CDK18: variants seen among roughly 807,000 people sequenced by gnomAD.
CDK18 encodes the protein cyclin-dependent kinase 18.
In CDK18, 52 loss-of-function variants were observed where a neutral mutation model predicts 62.0. That is an observed-to-expected ratio of 0.84 (90% CI 0.67 to 1.06). The LOEUF is 1.06. CDK18 is among the 50% of genes least tolerant of loss of function. The pLI, the probability that CDK18 is intolerant of heterozygous loss-of-function variation, is 0.00. For missense variants in CDK18, 604 were observed against 619.9 expected (o/e 0.97, Z 0.27); for synonymous variants, 237 against 247.0 (o/e 0.96, Z 0.38).
At chr1:205,518,274 C>T (rs1475713529) in intron 1 of CDK18, among the ~76,000 whole-genome samples, 1 of 152,156 alleles carries the variant, frequency 6.6e-6, no homozygotes, top group African/African-American at 2.4e-5. Context: ...CCCCCCTACC[C>T]CTGTTAGAAA....
Position 205,530,624 on chromosome 1 carries a change from C to G in CDK18, c.1313-4C>G. ...TCTCCAGACTATGCACTTCTCTCCC[C>G]CAGCTGCCTCCATCTTCTCCCTGAA... On this transcript the variant is annotated splice_region_variant and splice_polypyrimidine_tract_variant and intron_variant, in intron 14 of 15. Transcript: ENST00000429964. 5.0e-6 allele frequency: 8 copies of G among 1,613,954 alleles called. No homozygotes were observed. The highest frequency in any genetic ancestry group is 5.9e-6 in the Non-Finnish European group (7 of 1,179,902).
At chr1:205,529,632 G>A in intron 13 of CDK18, 69 bp downstream of exon 13, 6 of 1,611,252 alleles carry the variant, frequency 3.7e-6, no homozygotes, top group Non-Finnish European at 5.1e-6. Flanking sequence ...CCCATGCCGG[G>A]CCTACGCCCC....
At chr1:205,509,434 C>A (rs1290727843) in intron 1 of CDK18, among the ~76,000 whole-genome samples, 1 of 152,154 alleles carries the variant, frequency 6.6e-6, no homozygotes, top group Non-Finnish European at 1.5e-5. Flanking sequence ...TCCTGTCCAC[C>A]ATGGGTGGAG....
At chr1:205,529,693 T>A in intron 13 of CDK18, 130 bp downstream of exon 13, 2 of 1,554,488 alleles carry the variant, frequency 1.3e-6, no homozygotes, top group Non-Finnish European at 1.7e-6. Context: ...TCCCCTGTAC[T>A]CTCCACCCCC....
rs200375022 is a variant in CDK18 at position 205,526,831 on chromosome 1, C to T, written c.723C>T (p.Asn241=). The T allele has an allele frequency of 8.4e-5, 136 of 1,613,704 alleles. 2 individuals are homozygous for T. The highest frequency in any genetic ancestry group is 6.6e-4 in the Middle Eastern group (4 of 6,062). Residue 241 remains asparagine, a synonymous_variant, in exon 8 of 16, where the codon AAC becomes AAT. Coordinates refer to ENST00000429964, the MANE Select transcript of CDK18 (RefSeq NM_212502.3). ...GTGGGAACCTCATGAGCATGCACAACGTCAAGGTGAGGCCTCGGGGGCAGG... is the reference window on the plus strand; with the variant it reads ...GTGGGAACCTCATGAGCATGCACAATGTCAAGGTGAGGCCTCGGGGGCAGG... The part of the protein sequence containing the change: ...DHCGNLMSMH[N]VKIFMFQLLR...
Position 205,531,437 on chromosome 1 carries a change from T to A in CDK18, c.*59T>A. ...AGATCACATGGAGCACAAATTCGGG[T>A]AGGATGGAGCCTGTGTGGCCCTCGG... On this transcript the variant is annotated 3_prime_UTR_variant, in exon 16 of 16. Coordinates refer to ENST00000429964, the MANE Select transcript of CDK18 (RefSeq NM_212502.3). 1 of 1,514,616 alleles carries A rather than the reference T, an allele frequency of 6.6e-7. No homozygotes were observed. The highest frequency in any genetic ancestry group is 9.2e-7 in the Non-Finnish European group (1 of 1,088,886). 93.8% of individuals were successfully genotyped at this position (1,514,616 alleles called of 1,614,324 possible).
chr1:205,529,684 C>T, intron 13 of CDK18, 121 bp downstream of exon 13: 1 of 1,563,006 alleles, frequency 6.4e-7, no homozygotes, highest in Non-Finnish European at 8.6e-7. Flanking sequence ...TGAAACATCT[C>T]CCCTGTACTC....
rs1667874529 is a variant in CDK18, at chr1:205,517,375, T to C, written c.-21-5772T>C. Among the ~76,000 whole-genome samples the C allele has an allele frequency of 6.6e-6, 1 of 152,192 alleles. No homozygotes were observed. Among genetic ancestry groups the C allele is most frequent in the South Asian group, 2.1e-4 (1 of 4,832 alleles). On this transcript the variant is annotated intron_variant, in intron 1 of 15. Transcript: ENST00000429964. This position sits in a 1 kb window ranked among gnomAD's most constrained non-coding sequence, Gnocchi z 4.1. ...GCAATAAGGAAGTCTGCAGGGATGT[T>C]TGATGAAGTTTATATGAGGACTCTT...
At chr1:205,529,653 G>A in intron 13 of CDK18, 90 bp downstream of exon 13, 1 of 1,603,518 alleles carries the variant, frequency 6.2e-7, no homozygotes, top group South Asian at 1.1e-5. Context: ...AACTTCTGTG[G>A]CTCGTGTGCT....
chr1:205,529,733 C>T (rs763901935), intron 13 of CDK18, 170 bp downstream of exon 13: 1 of 1,537,138 alleles, frequency 6.5e-7, no homozygotes, highest in African/African-American at 1.4e-5. Context: ...CATACACATC[C>T]TCTGGAGTCT....
Position 205,504,753 on chromosome 1 carries a change from G to T in CDK18, c.-65G>T, listed in dbSNP as rs1218469290. On this transcript the variant is annotated 5_prime_UTR_variant, in exon 1 of 16. Transcript: ENST00000429964. Reference sequence around the variant, plus strand: ...TCCGGAGCAGGGGAAGCTGCCCCGTGCCCGGGAGGGAGCGGGCGCACCGCG... The same window carrying T: ...TCCGGAGCAGGGGAAGCTGCCCCGTTCCCGGGAGGGAGCGGGCGCACCGCG... 6.6e-6 allele frequency: 1 copy of T among 152,288 alleles called. No individual in the cohort carries two copies. Among genetic ancestry groups the T allele is most frequent in the Non-Finnish European group, 1.5e-5 (1 of 68,074 alleles). The allele number at this position is 152,288 out of a possible 1,614,324, so 9.4% of individuals were successfully genotyped here. A position where few individuals can be genotyped will look rare whatever the true frequency, so the allele number is the denominator to read the frequency against.
In CDK18 at chr1:205,527,624, T is replaced by G. The variant is rs1575075656; in HGVS notation, c.730-170T>G. On this transcript the variant is annotated intron_variant, in intron 8 of 15. Transcript: ENST00000429964. This position sits in a 1 kb window ranked among gnomAD's most constrained non-coding sequence, Gnocchi z 4.1. ...CACCCCTGCTGTCCTCCCCTCTGGATGGGATTCCCTGGTGTGGGTGGGGTC... is the reference window on the plus strand; with the variant it reads ...CACCCCTGCTGTCCTCCCCTCTGGAGGGGATTCCCTGGTGTGGGTGGGGTC... 2 of 664,948 alleles carry G rather than the reference T, an allele frequency of 3.0e-6. No individual in the cohort carries two copies. The highest frequency in any genetic ancestry group is 3.7e-5 in the South Asian group (2 of 53,798). 41.2% of individuals were successfully genotyped at this position (664,948 alleles called of 1,614,324 possible).
intron 13 of CDK18, chr1:205,529,971 C>T: frequency 7.2e-7 from 1 of 1,391,332 alleles, no homozygotes; most frequent in South Asian, 1.5e-5. Context: ...GGATGTTCTC[C>T]ATCTGATCAT....
chr1:205,519,881 GT>G (rs1335327021), intron 1 of CDK18, among the ~76,000 whole-genome samples: 2 of 152,142 alleles, frequency 1.3e-5, no homozygotes, highest in Non-Finnish European at 2.9e-5. Context: ...GTTGCTACTT[GT>G]AGATTCCTGA....
chr1:205,518,582 C>G (rs552120477), intron 1 of CDK18, among the ~76,000 whole-genome samples: 1 of 152,170 alleles, frequency 6.6e-6, no homozygotes, highest in Non-Finnish European at 1.5e-5. Context: ...AATATGGTCA[C>G]GTTTGTGCAC....
chr1:205,529,484 A>G lies in CDK18; in HGVS notation c.1179-37A>G, dbSNP rs374369640. On this transcript the variant is annotated intron_variant, in intron 12 of 15. Coordinates refer to ENST00000429964, the MANE Select transcript of CDK18 (RefSeq NM_212502.3). The stretch of plus-strand genomic sequence containing the variant: ...TGCGGCCCTGGCTCTCCCATCCCCA[A>G]TCAGGCACAGCCTGTGTCCGCGCCT... The G allele has an allele frequency of 1.4e-4, 233 of 1,609,256 alleles. No homozygotes were observed. Among genetic ancestry groups the G allele is most frequent in the African/African-American group, 1.4e-3 (104 of 74,948 alleles).
At position 205,527,801 on chromosome 1, in the gene CDK18, T is replaced by C. The variant is rs1668514128; in HGVS notation, c.737T>C (p.Met246Thr). 1.2e-6 allele frequency: 2 copies of C among 1,613,940 alleles called. No individual in the cohort carries two copies. Among genetic ancestry groups the C allele is most frequent in the East Asian group, 2.2e-5 (1 of 44,868 alleles). Residue 246 changes from methionine to threonine, a missense_variant, in exon 9 of 16, where the codon ATG becomes ACG. Physicochemically the swap from Met to Thr is moderately conservative, Grantham distance 81. Transcript: ENST00000429964. The surrounding 1 kb of genome is among the most constrained non-coding windows in gnomAD (Gnocchi z 4.1). Reference sequence around the variant, plus strand: ...CTCTTCCCCCTCCCCCAGATTTTCATGTTCCAGCTGCTCCGGGGCCTCGCC... The same window carrying C: ...CTCTTCCCCCTCCCCCAGATTTTCACGTTCCAGCTGCTCCGGGGCCTCGCC... ...LMSMHNVKIF[M>T]FQLLRGLAYC...
chr1:205,524,348 G>A lies in CDK18; in HGVS notation c.390G>A (p.Arg130=), dbSNP rs1251158722. Reference sequence around the variant, plus strand: ...AGCCGCTCAGCCGCATGTCCCGCCGGGCCTCCCTGGTGAGTCCCAAGAGGG... The same window carrying A: ...AGCCGCTCAGCCGCATGTCCCGCCGAGCCTCCCTGGTGAGTCCCAAGAGGG... The part of the protein sequence containing the change: ...LPKPLSRMSR[R]ASLSDIGFGK... The change falls in exon 4 of 16, where the codon CGG becomes CGA. Residue 130 remains arginine, a synonymous_variant. Coordinates refer to ENST00000429964, the MANE Select transcript of CDK18 (RefSeq NM_212502.3). The A allele has an allele frequency of 6.2e-7, 1 of 1,614,002 alleles. No individual in the cohort carries two copies. Among genetic ancestry groups the A allele is most frequent in the Admixed American group, 1.7e-5 (1 of 60,008 alleles).
rs1180671561 is a variant in CDK18, at chr1:205,516,247, C to T, written c.-21-6900C>T. 3.3e-5 allele frequency among the ~76,000 whole-genome samples: 5 copies of T among 152,186 alleles called. No individual in the cohort carries two copies. Among genetic ancestry groups the T allele is most frequent in the South Asian group, 2.1e-4 (1 of 4,820 alleles). On this transcript the variant is annotated intron_variant, in intron 1 of 15. Transcript: ENST00000429964. This position sits in a 1 kb window ranked among gnomAD's most constrained non-coding sequence, Gnocchi z 4.8. ...GTGTCTCTGAGGTCCTAGCTCATGA[C>T]GTCTGCAAACTTGGTCAGCCATGGC...
Sources: allele counts gnomAD v4.1 joint callset (sites outside exome capture counted in the v4.1 genomes callset), GRCh38; gene constraint gnomAD v4.1.1; non-coding constraint Gnocchi (gnomAD v3.1); transcripts MANE v1.5; gene names NCBI Gene and HGNC (gene_info 2026-07-23, HGNC 2026-07-21).